The following FNIP2 variants were observed in gnomAD, a reference collection of about 807,000 sequenced individuals.
The protein encoded by FNIP2 is folliculin interacting protein 2.
In FNIP2, 32 loss-of-function variants were observed where a neutral mutation model predicts 108.7. The observed-to-expected ratio is 0.29, with a 90% CI of 0.22 to 0.40. The LOEUF (loss-of-function observed/expected upper bound fraction) is 0.40. FNIP2 is among the 10% of genes least tolerant of loss of function. The pLI, the probability that FNIP2 is intolerant of heterozygous loss-of-function variation, is 1.00. For synonymous variants in FNIP2, 480 were observed against 496.7 expected (o/e 0.97, Z 0.45); for missense variants, 1,202 against 1,381.6 (o/e 0.87, Z 2.06).
intron 15 of FNIP2, among the ~76,000 whole-genome samples, chr4:158,894,701 T>G (rs1782527536): frequency 6.6e-6 from 1 of 152,210 alleles, no homozygotes; most frequent in Non-Finnish European, 1.5e-5. Flanking sequence ...ATAAAGATCC[T>G]TTTACCACCT....
intron 7 of FNIP2, among the ~76,000 whole-genome samples, chr4:158,839,115 C>G (rs542261275): frequency 6.6e-6 from 1 of 152,228 alleles, no homozygotes; most frequent in South Asian, 2.1e-4. Flanking sequence ...TAAAGTTACT[C>G]TTTATTTCCT....
chr4:158,859,088 G>A lies in FNIP2; in HGVS notation c.889G>A (p.Glu297Lys). 6.2e-7 allele frequency: 1 copy of A among 1,613,982 alleles called. No homozygotes were observed. Among genetic ancestry groups the A allele is most frequent in the Non-Finnish European group, 8.5e-7 (1 of 1,179,870 alleles). ...STDETFSLAE[E>K]TCSSNPAMVR... ...TGATGAGACATTCAGCTTGGCTGAA[G>A]AAACCTGTAGCTCTAATCCAGCTAT... The change falls in exon 9 of 17, where the codon GAA (glutamate) becomes AAA (lysine). Residue 297 changes from glutamate to lysine, a missense_variant. By Grantham distance (56) the Glu-to-Lys change is moderately conservative. This residue lies in a region of FNIP2 where 878 missense variants were observed against 990.3 expected (regional missense o/e 0.89). Coordinates refer to ENST00000264433, the MANE Select transcript of FNIP2 (RefSeq NM_020840.3).
rs1183112075 is a variant in FNIP2, at chr4:158,905,935, T to G, written c.*1391T>G. 2.0e-5 allele frequency: 3 copies of G among 152,236 alleles called. No individual in the cohort carries two copies. The highest frequency in any genetic ancestry group is 4.4e-5 in the Non-Finnish European group (3 of 68,038). 9.4% of individuals were successfully genotyped at this position (152,236 alleles called of 1,614,324 possible). ...TATGAATTAATTCCAGTTCTTTTCA[T>G]GTATCTTTGAACCTAAGATTATGAA... On this transcript the variant is annotated 3_prime_UTR_variant, in exon 17 of 17. Coordinates refer to ENST00000264433, the MANE Select transcript of FNIP2 (RefSeq NM_020840.3).
chr4:158,856,215 G>C (rs1779974748), intron 8 of FNIP2, among the ~76,000 whole-genome samples: 1 of 152,076 alleles, frequency 6.6e-6, no homozygotes. Flanking sequence ...TATTAAATTG[G>C]ACCAACTTTA....
At chr4:158,894,589 T>C (rs1351002756) in intron 15 of FNIP2, among the ~76,000 whole-genome samples, 2 of 152,220 alleles carry the variant, frequency 1.3e-5, no homozygotes, top group Non-Finnish European at 2.9e-5. Context: ...GTAATTACTT[T>C]TTCCAAACAG....
In FNIP2 at chr4:158,793,908, G is replaced by A. The variant is rs546557696; in HGVS notation, c.107+24589G>A. On this transcript the variant is annotated intron_variant, in intron 1 of 16. Transcript: ENST00000264433. ...CTTGTACCCTACTATTGTCATTTAT[G>A]TGAAGAGTTGTCTAGAACTACGCTG... Among the ~76,000 whole-genome samples, 3 of 152,280 alleles carry A rather than the reference G, an allele frequency of 2.0e-5. No individual in the cohort carries two copies. In the South Asian group the frequency reaches 6.2e-4, roughly 32 times the overall value.
In FNIP2 at chr4:158,838,725, G is replaced by C. The variant is rs369611584; in HGVS notation, c.727+3249G>C. On this transcript the variant is annotated intron_variant, in intron 7 of 16. Coordinates refer to ENST00000264433, the MANE Select transcript of FNIP2 (RefSeq NM_020840.3). ...TTGTTACAATTAATGAACCAATGCT[G>C]ATACATTACTATTAGCTAAAGTCCA... Among the ~76,000 whole-genome samples, 4 of 152,086 alleles carry C rather than the reference G, an allele frequency of 2.6e-5. No individual in the cohort carries two copies. In the East Asian group the frequency reaches 5.8e-4, roughly 22 times the overall value.
chr4:158,872,608 T>G (rs1366440168), intron 14 of FNIP2: 1 of 985,102 alleles, frequency 1.0e-6, no homozygotes, highest in Non-Finnish European at 1.2e-6. Context: ...CTTCAGAAGT[T>G]TAATACATTC....
intron 1 of FNIP2, among the ~76,000 whole-genome samples, chr4:158,798,997 C>T (rs1776677438): frequency 6.6e-6 from 1 of 152,212 alleles, no homozygotes; most frequent in Non-Finnish European, 1.5e-5. Context: ...TTCACAAAAA[C>T]ATTCCTTTCC....
chr4:158,804,641 G>C (rs1262970743), intron 1 of FNIP2, among the ~76,000 whole-genome samples: 1 of 152,122 alleles, frequency 6.6e-6, no homozygotes, highest in African/African-American at 2.4e-5. Context: ...TTTAAATCCT[G>C]CTTCAAGTAG....
At chr4:158,829,966 G>T (rs976747723) in intron 3 of FNIP2, among the ~76,000 whole-genome samples, 7 of 152,116 alleles carry the variant, frequency 4.6e-5, no homozygotes, top group African/African-American at 1.7e-4. Flanking sequence ...TAGGATTTGT[G>T]CCATGCATTT....
chr4:158,825,893 C>T, intron 1 of FNIP2, 23 bp from the exon 2 acceptor site: 1 of 1,598,612 alleles, frequency 6.3e-7, no homozygotes, highest in Non-Finnish European at 8.6e-7. Context: ...AACATAACTT[C>T]TTTTGCCCTT....
chr4:158,793,968 G>A (rs1232980767), intron 1 of FNIP2, among the ~76,000 whole-genome samples: 1 of 152,016 alleles, frequency 6.6e-6, no homozygotes, highest in East Asian at 1.9e-4. Context: ...ATGTCTAGTC[G>A]GCCCTTGAAA....
At chr4:158,854,862 T>C (rs1359441062) in intron 8 of FNIP2, among the ~76,000 whole-genome samples, 1 of 152,152 alleles carries the variant, frequency 6.6e-6, no homozygotes, top group African/African-American at 2.4e-5. Flanking sequence ...CCCTCCGAAA[T>C]GGGAGGGTCT....
intron 1 of FNIP2, among the ~76,000 whole-genome samples, chr4:158,770,989 AT>A (rs1266263030): frequency 2.0e-5 from 3 of 152,356 alleles, no homozygotes; most frequent in South Asian, 2.1e-4. Flanking sequence ...AACAAAAAAA[AT>A]ATGGCTATAT....
intron 16 of FNIP2, among the ~76,000 whole-genome samples, chr4:158,902,988 G>A (rs563324595): frequency 2.6e-5 from 4 of 152,190 alleles, no homozygotes; most frequent in African/African-American, 9.7e-5. Context: ...TTCCAGGGGA[G>A]TGAACCGTTC....
At chr4:158,792,428 A>G (rs1225260049) in intron 1 of FNIP2, among the ~76,000 whole-genome samples, 1 of 147,586 alleles carries the variant, frequency 6.8e-6, no homozygotes, top group Admixed American at 6.8e-5. Flanking sequence ...CCCCACGTAT[A>G]GTGCTGGAGT....
intron 1 of FNIP2, among the ~76,000 whole-genome samples, chr4:158,800,907 C>A (rs1310408053): frequency 6.6e-6 from 1 of 151,982 alleles, no homozygotes; most frequent in Non-Finnish European, 1.5e-5. Context: ...GCTCTGGGTG[C>A]CAAATGCTTT....
chr4:158,891,034 C>G (rs1782246641), intron 14 of FNIP2, among the ~76,000 whole-genome samples: 1 of 152,034 alleles, frequency 6.6e-6, no homozygotes, highest in African/African-American at 2.4e-5. Flanking sequence ...TTTAAGCAGC[C>G]AAAAGAATCA....
Sources: gnomAD v4.1 joint callset for allele counts (sites outside exome capture counted in the v4.1 genomes callset) on GRCh38, gnomAD v4.1.1 for gene constraint, gnomAD v4.1.1 regional missense constraint, MANE v1.5 for transcripts, NCBI Gene and HGNC (gene_info 2026-07-23, HGNC 2026-07-21) for gene names.